TUT7: variants seen among roughly 807,000 people sequenced by gnomAD.
TUT7 encodes terminal uridylyltransferase 7.
Under a neutral mutation model 165.9 loss-of-function variants are expected in TUT7, and 33 were observed. That is an observed-to-expected ratio of 0.20 (90% CI 0.15 to 0.27). The LOEUF is 0.27. Among genes scored for constraint, TUT7 ranks in the 10% least tolerant of loss-of-function variants. The pLI is 1.00. For missense variants in TUT7, 1,338 were observed against 1,762.3 expected (o/e 0.76, Z 4.31); for synonymous variants, 552 against 608.1 (o/e 0.91, Z 1.36).
At chr9:86,322,049 C>A (rs1457923460) in intron 14 of TUT7, among the ~76,000 whole-genome samples, 2 of 151,916 alleles carry the variant, frequency 1.3e-5, no homozygotes, top group Non-Finnish European at 2.9e-5. Flanking sequence ...ACACTCCAGT[C>A]TGGGTGACAG....
At position 86,302,617 on chromosome 9, in the gene TUT7, C is replaced by CTT. The variant is rs34589090; in HGVS notation, c.4094+467_4094+468dup. Among the ~76,000 whole-genome samples the CTT allele has an allele frequency of 1.3e-3, 175 of 139,456 alleles. 1 individual carries two copies. The highest frequency in any genetic ancestry group is 1.9e-3 in the Non-Finnish European group (122 of 64,772). 91.5% of individuals were successfully genotyped at this position (139,456 alleles called of 152,430 possible). ...ACAGGCATGAGCTACTACACCTGGG[C>CTT]TTTTTTTTTTTTTTTCTGAGACAGA... is the stretch of plus-strand genomic sequence containing the variant. On this transcript the variant is annotated intron_variant, in intron 25 of 26. Transcript: ENST00000375963.
intron 10 of TUT7, chr9:86,337,109 GA>G (rs1011118165): frequency 5.2e-6 from 1 of 193,318 alleles, no homozygotes; most frequent in African/African-American, 2.4e-5. Flanking sequence ...TGTACCCAAA[GA>G]AAGAATGTAC....
rs59651352 is a variant in TUT7, at chr9:86,297,921, C to CTTTT, written c.4420+3351_4420+3354dup. Among the ~76,000 whole-genome samples the CTTTT allele has an allele frequency of 9.2e-5, 8 of 86,504 alleles. No individual in the cohort carries two copies. The South Asian group carries it at 1.4e-3, about 15-fold the overall frequency. The allele number at this position is 86,504 out of a possible 152,430, so 56.7% of individuals were successfully genotyped here. A position where few individuals can be genotyped will look rare whatever the true frequency, so the allele number is the denominator to read the frequency against. ...CTCACTCACCCTTCTGCCTGCTCCACTTTTTTTTTTTTTTCAAATTTCTTC... is the reference window on the plus strand; with the variant it reads ...CTCACTCACCCTTCTGCCTGCTCCACTTTTTTTTTTTTTTTTTTCAAATTTCTTC... On this transcript the variant is annotated intron_variant, in intron 26 of 26. Coordinates refer to ENST00000375963, the MANE Select transcript of TUT7 (RefSeq NM_024617.4).
Position 86,319,574 on chromosome 9 carries a change from A to C in TUT7, c.3115+10T>G. 6.4e-7 allele frequency: 1 copy of C among 1,570,340 alleles called. No individual in the cohort carries two copies. On this transcript the variant is annotated intron_variant, in intron 15 of 26. Transcript: ENST00000375963. Reference sequence around the variant, plus strand: ...CTACTTTTCTTAAAAATAAAAAATAAATCATTTACCTGGAAAGTCCTGTCT... The same window carrying C: ...CTACTTTTCTTAAAAATAAAAAATACATCATTTACCTGGAAAGTCCTGTCT...
At chr9:86,329,836 C>CT (rs1157592275) in intron 10 of TUT7, among the ~76,000 whole-genome samples, 1 of 152,068 alleles carries the variant, frequency 6.6e-6, no homozygotes, top group Non-Finnish European at 1.5e-5. Context: ...TTAAAATGCT[C>CT]TTCCCCCTAA....
chr9:86,346,155 G>T, intron 3 of TUT7, 144 bp downstream of exon 3: 1 of 704,818 alleles, frequency 1.4e-6, no homozygotes, highest in Non-Finnish European at 2.3e-6. Flanking sequence ...AAATCACACT[G>T]GACATCACTT....
chr9:86,331,186 G>A (rs906654147), intron 10 of TUT7, among the ~76,000 whole-genome samples: 1 of 151,910 alleles, frequency 6.6e-6, no homozygotes, highest in Non-Finnish European at 1.5e-5. Flanking sequence ...GGCTGACACA[G>A]GATTGCTTGA....
At chr9:86,345,920 G>T in intron 3 of TUT7, 135 bp from the exon 4 acceptor site, 1 of 674,924 alleles carries the variant, frequency 1.5e-6, no homozygotes, top group Non-Finnish European at 2.5e-6. Flanking sequence ...ATGTTGCCCT[G>T]GCTGGAGTGA....
intron 19 of TUT7, 88 bp downstream of exon 19, chr9:86,309,840 A>G (rs1033062502): frequency 6.2e-6 from 8 of 1,299,898 alleles, no homozygotes; most frequent in Admixed American, 5.9e-5. Flanking sequence ...ACATGACTAC[A>G]GTTCATTAAA....
intron 14 of TUT7, among the ~76,000 whole-genome samples, chr9:86,320,160 T>A (rs1199973118): frequency 4.6e-5 from 7 of 151,046 alleles, no homozygotes; most frequent in Admixed American, 1.3e-4. Context: ...CCCGCTAAAG[T>A]GTGAATTTAA....
chr9:86,332,543 T>C (rs1440622448), intron 10 of TUT7, among the ~76,000 whole-genome samples: 2 of 152,114 alleles, frequency 1.3e-5, no homozygotes, highest in Non-Finnish European at 2.9e-5. Flanking sequence ...TGGGGCCTAC[T>C]TGAAGGTTAA....
At position 86,319,571 on chromosome 9, in the gene TUT7, A is replaced by G. The variant is rs1202255342; in HGVS notation, c.3115+13T>C. On this transcript the variant is annotated intron_variant, in intron 15 of 26. Coordinates refer to ENST00000375963, the MANE Select transcript of TUT7 (RefSeq NM_024617.4). ...ACACTACTTTTCTTAAAAATAAAAA[A>G]TAAATCATTTACCTGGAAAGTCCTG... The G allele has an allele frequency of 1.3e-6, 2 of 1,566,250 alleles. No homozygotes were observed. The highest frequency in any genetic ancestry group is 1.4e-5 in the African/African-American group (1 of 72,746).
chr9:86,312,111 T>C (rs1828163808), intron 17 of TUT7, among the ~76,000 whole-genome samples: 1 of 149,736 alleles, frequency 6.7e-6, no homozygotes, highest in Non-Finnish European at 1.5e-5. Flanking sequence ...CCCCTCTGCC[T>C]GGCTGCCCAG....
Position 86,323,050 on chromosome 9 carries a change from G to T in TUT7, c.2700C>A (p.Gly900=), listed in dbSNP as rs778501361. 4 of 1,613,918 alleles carry T rather than the reference G, an allele frequency of 2.5e-6. No homozygotes were observed. In the Admixed American group the frequency reaches 5.0e-5, roughly 20 times the overall value. Residue 900 remains glycine, a synonymous_variant, in exon 13 of 27, where the codon GGC becomes GGA. Transcript: ENST00000375963. ...TCACGTCTTCATACTTAGCAGCTTC[G>T]CCTAACTCATCATCCTCTTCAGATA... The part of the protein sequence containing the change: ...DALSEEDDEL[G]EAAKYEDVKE...
intron 2 of TUT7, among the ~76,000 whole-genome samples, chr9:86,349,473 C>T (rs1485066352): frequency 6.6e-6 from 1 of 151,816 alleles, no homozygotes. Context: ...ATGGCAATGT[C>T]CCAAATACAT....
At chr9:86,335,744 T>A (rs2131532064) in intron 10 of TUT7, among the ~76,000 whole-genome samples, 1 of 152,312 alleles carries the variant, frequency 6.6e-6, no homozygotes, top group South Asian at 2.1e-4. Flanking sequence ...AAGTATTAGT[T>A]CCATTCTCTT....
chr9:86,321,456 C>A (rs1829289572), intron 14 of TUT7, among the ~76,000 whole-genome samples: 1 of 152,050 alleles, frequency 6.6e-6, no homozygotes, highest in Non-Finnish European at 1.5e-5. Context: ...TGGCCAGGCG[C>A]CATGGCTCAA....
intron 9 of TUT7, 132 bp downstream of exon 9, chr9:86,338,691 A>G (rs958023376): frequency 4.7e-6 from 5 of 1,064,058 alleles, no homozygotes; most frequent in Non-Finnish European, 5.0e-6. Context: ...TTCTGTTGCA[A>G]AATTCAGATG....
In TUT7 at chr9:86,339,138, C is replaced by T. The variant is rs151317434; in HGVS notation, c.1209-189G>A. Among the ~76,000 whole-genome samples, 213 of 152,170 alleles carry T rather than the reference C, an allele frequency of 1.4e-3. 1 individual carries two copies. Among genetic ancestry groups the T allele is most frequent in the African/African-American group, 4.7e-3 (197 of 41,502 alleles). On this transcript the variant is annotated intron_variant, in intron 8 of 26. Transcript: ENST00000375963. ...TAAATTTTCTTTACAAAAAAGATAT[C>T]GTGGCTATTTTCTGAGTAAACTTTA...
Sources: gnomAD v4.1 joint callset for allele counts (sites outside exome capture counted in the v4.1 genomes callset) on GRCh38, gnomAD v4.1.1 for gene constraint, MANE v1.5 for transcripts, NCBI Gene and HGNC (gene_info 2026-07-23, HGNC 2026-07-21) for gene names.